Variants in DNAH10 observed in about 807,000 individuals in gnomAD.
The protein encoded by DNAH10 is dynein axonemal heavy chain 10.
DNAH10 carries 348 observed loss-of-function variants against 506.6 expected under a neutral mutation model. The ratio of observed to expected loss-of-function variants is 0.69; its 90% CI spans 0.63 to 0.75. DNAH10 has a LOEUF of 0.75. DNAH10 is among the 30% of genes least tolerant of loss of function. The pLI, the probability that DNAH10 is intolerant of heterozygous loss-of-function variation, is 0.00. For missense variants in DNAH10, 5,179 were observed against 5,787.1 expected, an observed-to-expected ratio of 0.89 and a Z score of 3.41; for synonymous variants, 2,059 against 2,198.6, an observed-to-expected ratio of 0.94 and a Z score of 1.78.
At chr12:123,923,930 T>G in intron 66 of DNAH10, 63 bp downstream of exon 66, 2 of 1,261,804 alleles carry the variant, frequency 1.6e-6, no homozygotes, top group Non-Finnish European at 2.2e-6. Context: ...TGTATATAAG[T>G]TTGTCTGTTG....
At chr12:123,841,260 G>A in intron 29 of DNAH10, 62 bp from the exon 30 acceptor site, 1 of 1,560,410 alleles carries the variant, frequency 6.4e-7, no homozygotes, top group Non-Finnish European at 8.8e-7. Context: ...GAGCACCGCT[G>A]GCTGGTCTTT....
chr12:123,884,192 G>A (rs1049423624), intron 51 of DNAH10, among the ~76,000 whole-genome samples: 3 of 152,128 alleles, frequency 2.0e-5, no homozygotes, highest in Non-Finnish European at 4.4e-5. Flanking sequence ...GTGCCACCAC[G>A]CCCGGCTAAC....
In DNAH10 at chr12:123,917,772, C is replaced by G. The variant is rs1189924299; in HGVS notation, c.11191C>G (p.Leu3731Val). The stretch of plus-strand genomic sequence containing the variant: ...GGGGAACATGCTGGACAATGTGGAC[C>G]TGGTGCACACCCTGGAGGAGACCAA... ...STGNMLDNVD[L>V]VHTLEETKSK... Residue 3731 changes from leucine (L) to valine (V), a missense_variant, in exon 64 of 79, where the codon CTG becomes GTG. Physicochemically the swap from Leu to Val is conservative, Grantham distance 32 (BLOSUM62 1). This residue lies in a region of DNAH10 where 4,844 missense variants were observed against 5,430.5 expected (regional missense o/e 0.89). Coordinates refer to ENST00000673944, the MANE Select transcript of DNAH10 (RefSeq NM_001372106.1). The surrounding 1 kb of genome is among the most constrained non-coding windows in gnomAD (Gnocchi z 5.6). 1.3e-6 allele frequency: 2 copies of G among 1,576,068 alleles called. No homozygotes were observed. The highest frequency in any genetic ancestry group is 1.2e-5 in the South Asian group (1 of 85,302).
intron 73 of DNAH10, among the ~76,000 whole-genome samples, chr12:123,930,851 C>T (rs779077931): frequency 1.8e-4 from 28 of 152,142 alleles, no homozygotes; most frequent in East Asian, 1.6e-3. Flanking sequence ...GATGAACATA[C>T]GGCTGGACTG....
Position 123,902,492 on chromosome 12 carries a change from A to G in DNAH10, c.9641-447A>G, listed in dbSNP as rs1953565822. Among the ~76,000 whole-genome samples the G allele has an allele frequency of 6.6e-6, 1 of 152,154 alleles. No homozygotes were observed. The highest frequency in any genetic ancestry group is 1.5e-5 in the Non-Finnish European group (1 of 68,016). On this transcript the variant is annotated intron_variant, in intron 56 of 78. Transcript: ENST00000673944. The surrounding 1 kb of genome is among the most constrained non-coding windows in gnomAD (Gnocchi z 4.5). ...TGAAGCAAGTCAGCAAGGAAGGGAG[A>G]GAGAGGACGACAGAGGGGCAGGCTC... is the stretch of plus-strand genomic sequence containing the variant.
At chr12:123,885,008 A>G (rs567196783) in intron 51 of DNAH10, among the ~76,000 whole-genome samples, 3 of 152,354 alleles carry the variant, frequency 2.0e-5, no homozygotes, top group African/African-American at 4.8e-5. Context: ...GGCTGTCTCA[A>G]TAAACCCATC....
At position 123,930,399 on chromosome 12, in the gene DNAH10, C is replaced by T; in HGVS notation, c.12613-3C>T. On this transcript the variant is annotated splice_polypyrimidine_tract_variant and splice_region_variant and intron_variant, in intron 72 of 78. Coordinates refer to ENST00000673944, the MANE Select transcript of DNAH10 (RefSeq NM_001372106.1). ...GGCTGGCTCTCAGGCCCTCTAATTT[C>T]AGGTCATGTATGGAGGACGGGCCAT... The T allele has an allele frequency of 6.5e-7, 1 of 1,549,296 alleles. No homozygotes were observed.
At position 123,826,736 on chromosome 12, in the gene DNAH10, A is replaced by G. The variant is rs541606815; in HGVS notation, c.4229A>G (p.Gln1410Arg). ...SQTLWINLNV[Q>R]ILQEGIEGFL... ...ACCCTTTGGATCAACCTGAATGTGC[A>G]GATTCTCCAGGAAGGAATTGAAGGT... The change falls in exon 25 of 79, where the codon CAG becomes CGG. Residue 1410 changes from glutamine to arginine, a missense_variant. Gln to Arg is a conservative substitution (Grantham distance 43). Transcript: ENST00000673944. 1.4e-5 allele frequency: 23 copies of G among 1,613,906 alleles called. 1 individual carries two copies. Among genetic ancestry groups the G allele is most frequent in the African/African-American group, 1.3e-4 (10 of 75,054 alleles).
chr12:123,863,483 T>G (rs757185182), intron 39 of DNAH10, among the ~76,000 whole-genome samples: 2 of 152,120 alleles, frequency 1.3e-5, no homozygotes, highest in Non-Finnish European at 2.9e-5. Context: ...AGGCCAAAAG[T>G]CTAAAAAGAG....
At chr12:123,889,912 C>G (rs1002794262) in intron 52 of DNAH10, among the ~76,000 whole-genome samples, 5 of 152,180 alleles carry the variant, frequency 3.3e-5, no homozygotes, top group African/African-American at 9.7e-5. Flanking sequence ...CTCGCTGGCT[C>G]TCATCCTTCC....
At chr12:123,841,982 G>A (rs183972167) in intron 30 of DNAH10, among the ~76,000 whole-genome samples, 8 of 152,294 alleles carry the variant, frequency 5.3e-5, no homozygotes, top group Admixed American at 1.3e-4. Flanking sequence ...CACTGAGCCC[G>A]GGCAGTCTTT....
At chr12:123,830,776 A>C in intron 26 of DNAH10, 77 bp downstream of exon 26, 1 of 1,317,244 alleles carries the variant, frequency 7.6e-7, no homozygotes, top group Non-Finnish European at 1.0e-6. Flanking sequence ...GAACTCATCT[A>C]TACTAAAAAA....
At chr12:123,897,159 C>T (rs1179381578) in intron 54 of DNAH10, among the ~76,000 whole-genome samples, 10 of 152,190 alleles carry the variant, frequency 6.6e-5, no homozygotes, top group Admixed American at 1.3e-4. Flanking sequence ...GAGGCTCATC[C>T]GTGTTTCAGC....
rs950130601 is a variant in DNAH10, at chr12:123,930,631, C to G, written c.12784+58C>G. On this transcript the variant is annotated intron_variant, in intron 73 of 78. Coordinates refer to ENST00000673944, the MANE Select transcript of DNAH10 (RefSeq NM_001372106.1). ...AAGGCTTTTTCTAAGGGAGACCATA[C>G]ATTTCAACCGGCTCCTCTCCTGGTG... The G allele has an allele frequency of 7.7e-6, 12 of 1,567,002 alleles. No homozygotes were observed. In the African/African-American group the frequency reaches 1.7e-4, roughly 22 times the overall value.
intron 48 of DNAH10, 122 bp from the exon 49 acceptor site, chr12:123,879,142 G>A (rs1952386895): frequency 5.3e-6 from 4 of 750,758 alleles, no homozygotes; most frequent in South Asian, 1.8e-5. Flanking sequence ...AGGGGGGCAC[G>A]ACTGGAGAAA....
chr12:123,816,682 C>T (rs1313352189), intron 21 of DNAH10, among the ~76,000 whole-genome samples: 1 of 152,166 alleles, frequency 6.6e-6, no homozygotes, highest in Non-Finnish European at 1.5e-5. Context: ...GTGGGGGAAC[C>T]CCTGATTTTG....
chr12:123,765,622 A>T (rs1431372608), intron 1 of DNAH10, among the ~76,000 whole-genome samples: 1 of 149,268 alleles, frequency 6.7e-6, no homozygotes, highest in Admixed American at 6.8e-5. Flanking sequence ...CTATACATCT[A>T]TTTATCTATC....
chr12:123,794,864 C>T (rs1958216670), intron 12 of DNAH10, among the ~76,000 whole-genome samples: 1 of 143,716 alleles, frequency 7.0e-6, no homozygotes, highest in Non-Finnish European at 1.5e-5. Flanking sequence ...AAAAAAAATG[C>T]TGGCCAGTCG....
chr12:123,873,799 G>T (rs1370895499), intron 46 of DNAH10, 89 bp downstream of exon 46: 1 of 1,454,566 alleles, frequency 6.9e-7, no homozygotes, highest in East Asian at 2.5e-5. Flanking sequence ...GTGAGTATGA[G>T]AACATTGATC....
Sources: gnomAD v4.1 joint callset for allele counts (sites outside exome capture counted in the v4.1 genomes callset) on GRCh38, gnomAD v4.1.1 for gene constraint, gnomAD v4.1.1 regional missense constraint, Gnocchi (gnomAD v3.1) non-coding constraint, MANE v1.5 for transcripts, NCBI Gene and HGNC (gene_info 2026-07-23, HGNC 2026-07-21) for gene names.